The following DIP2C variants were observed in gnomAD, a reference collection of about 807,000 sequenced individuals.
DIP2C encodes DIP2 acetate--CoA ligase C (putative).
A neutral mutation model predicts 192.4 loss-of-function variants in DIP2C; 33 were observed. That is an observed-to-expected ratio of 0.17 (90% confidence interval 0.13 to 0.23). DIP2C has a LOEUF of 0.23. DIP2C is among the 10% of genes least tolerant of loss of function. DIP2C has a pLI of 1.00. For synonymous variants in DIP2C, 979 were observed against 864.1 expected (o/e 1.13, Z -2.33); for missense variants, 1,537 against 2,110.1 (o/e 0.73, Z 5.32).
chr10:325,617 A>G (rs1029716425), intron 31 of DIP2C, among the ~76,000 whole-genome samples: 6 of 152,190 alleles, frequency 3.9e-5, no homozygotes, highest in Admixed American at 6.5e-5. Context: ...TGCATTTCCT[A>G]TTTCTCCTAA....
At chr10:384,861 T>C (rs1589670362) in intron 14 of DIP2C, among the ~76,000 whole-genome samples, 1 of 149,218 alleles carries the variant, frequency 6.7e-6, no homozygotes, top group East Asian at 2.0e-4. Flanking sequence ...GTGAGTGCCA[T>C]GGACACCAGA....
At chr10:367,240 A>AC (rs1439821904) in intron 18 of DIP2C, among the ~76,000 whole-genome samples, 1 of 151,900 alleles carries the variant, frequency 6.6e-6, no homozygotes, top group Non-Finnish European at 1.5e-5. Context: ...ACATGGTGAA[A>AC]CCCCGTCTCT....
At chr10:519,953 C>G (rs767946503) in intron 1 of DIP2C, among the ~76,000 whole-genome samples, 16 of 152,340 alleles carry the variant, frequency 1.1e-4, no homozygotes, top group East Asian at 7.7e-4. Context: ...CCCAAAGAAC[C>G]CTTCTCCGTC....
At chr10:391,266 C>T (rs998793360) in intron 10 of DIP2C, among the ~76,000 whole-genome samples, 5 of 151,926 alleles carry the variant, frequency 3.3e-5, no homozygotes, top group African/African-American at 1.2e-4. Flanking sequence ...AACATGCTAA[C>T]ACCAAGTGCC....
At chr10:398,127 T>C (rs1270748992) in intron 10 of DIP2C, among the ~76,000 whole-genome samples, 1 of 152,218 alleles carries the variant, frequency 6.6e-6, no homozygotes, top group South Asian at 2.1e-4. Flanking sequence ...GTGGGGAAAA[T>C]CTACATTCTG....
intron 1 of DIP2C, among the ~76,000 whole-genome samples, chr10:574,885 G>A (rs1053331652): frequency 6.6e-6 from 1 of 152,158 alleles, no homozygotes; most frequent in African/African-American, 2.4e-5. Context: ...ACAATTTACT[G>A]GGTTTAATGT....
intron 1 of DIP2C, among the ~76,000 whole-genome samples, chr10:679,536 A>C (rs1300827051): frequency 0.011 from 29 of 2,660 alleles, no homozygotes; most frequent in Non-Finnish European, 0.022. Context: ...CCCCACGCCC[A>C]TGCTCCCCGC....
intron 1 of DIP2C, among the ~76,000 whole-genome samples, chr10:627,775 C>T (rs537028786): frequency 5.7e-4 from 87 of 152,248 alleles, no homozygotes; most frequent in Non-Finnish European, 9.8e-4. Context: ...ACAAACAGAC[C>T]GCACGGCTCA....
At chr10:463,813 G>C (rs914097794) in intron 3 of DIP2C, among the ~76,000 whole-genome samples, 1 of 152,228 alleles carries the variant, frequency 6.6e-6, no homozygotes, top group East Asian at 1.9e-4. Context: ...CAAGGGAACA[G>C]AACAGAGGCC....
chr10:633,111 C>T (rs887993549), intron 1 of DIP2C, among the ~76,000 whole-genome samples: 1 of 152,226 alleles, frequency 6.6e-6, no homozygotes, highest in African/African-American at 2.4e-5. Context: ...TCTACCTCAA[C>T]CGGGATCAAT....
At position 592,798 on chromosome 10, in the gene DIP2C, T is replaced by TAA. The variant is rs1025502494; in HGVS notation, c.85+96694_85+96695dup. Among the ~76,000 whole-genome samples, 81 of 152,282 alleles carry TAA rather than the reference T, an allele frequency of 5.3e-4. 1 individual carries two copies. The highest frequency in any genetic ancestry group is 1.8e-3 in the African/African-American group (74 of 41,520). ...AATACCATGAGAATACAGCTCCAGT[T>TAA]AAGTTAGTAGAATGGAAACCTGAAG... On this transcript the variant is annotated intron_variant, in intron 1 of 36. Coordinates refer to ENST00000280886, the MANE Select transcript of DIP2C (RefSeq NM_014974.3).
chr10:521,133 A>C (rs548912195), intron 1 of DIP2C, among the ~76,000 whole-genome samples: 9 of 152,348 alleles, frequency 5.9e-5, no homozygotes, highest in Non-Finnish European at 1.2e-4. Flanking sequence ...CAAATCTTTG[A>C]ACTCAAATTC....
chr10:584,388 A>G (rs1203522049), intron 1 of DIP2C, among the ~76,000 whole-genome samples: 1 of 137,674 alleles, frequency 7.3e-6, no homozygotes, highest in Admixed American at 7.2e-5. Flanking sequence ...ACGACCTGAC[A>G]CCCACTCACG....
Position 471,449 on chromosome 10 carries a change from C to T in DIP2C, c.268+990G>A, listed in dbSNP as rs75177098. ...GAGACTCACAGGCTTTCCTCGAACA[C>T]CAGGTGAGTTCCGTCATCCCTTAGC... On this transcript the variant is annotated intron_variant, in intron 3 of 36. Coordinates refer to ENST00000280886, the MANE Select transcript of DIP2C (RefSeq NM_014974.3). 8.6e-4 allele frequency among the ~76,000 whole-genome samples: 131 copies of T among 152,262 alleles called. 1 individual carries two copies. Among genetic ancestry groups the T allele is most frequent in the African/African-American group, 3.0e-3 (124 of 41,540 alleles).
chr10:308,775 T>C (rs767320309), intron 32 of DIP2C, among the ~76,000 whole-genome samples: 3 of 152,110 alleles, frequency 2.0e-5, no homozygotes, highest in Non-Finnish European at 1.5e-5. Flanking sequence ...AGTGGTTCTG[T>C]CGACCAGAGG....
At chr10:445,221 C>T (rs1968063630) in intron 3 of DIP2C, among the ~76,000 whole-genome samples, 1 of 151,422 alleles carries the variant, frequency 6.6e-6, no homozygotes, top group African/African-American at 2.4e-5. Context: ...CACTGGGCAT[C>T]TGTATACAAC....
At chr10:555,477 CA>C (rs1335665233) in intron 1 of DIP2C, among the ~76,000 whole-genome samples, 3 of 152,192 alleles carry the variant, frequency 2.0e-5, no homozygotes, top group African/African-American at 7.2e-5. Flanking sequence ...GGCACACCCC[CA>C]ATCTCCTTGG....
intron 29 of DIP2C, among the ~76,000 whole-genome samples, chr10:338,665 G>A (rs1414458435): frequency 1.3e-5 from 2 of 152,070 alleles, no homozygotes; most frequent in African/African-American, 2.4e-5. Flanking sequence ...CATGACTAAC[G>A]CCTGGCCGCA....
At chr10:318,746 T>C (rs1324222791) in intron 31 of DIP2C, among the ~76,000 whole-genome samples, 3 of 152,218 alleles carry the variant, frequency 2.0e-5, no homozygotes, top group African/African-American at 7.2e-5. Flanking sequence ...GCTCATTCCC[T>C]GAGGCTTTCA....
Sources: gnomAD v4.1 joint callset for allele counts (sites outside exome capture counted in the v4.1 genomes callset) on GRCh38, gnomAD v4.1.1 for gene constraint, MANE v1.5 for transcripts, NCBI Gene and HGNC (gene_info 2026-07-23, HGNC 2026-07-21) for gene names.